The following RTTN variants were observed in gnomAD, a reference collection of about 807,000 sequenced individuals.
RTTN encodes rotatin.
In RTTN, 182 loss-of-function variants were observed where a neutral mutation model predicts 269.2. That is an observed-to-expected ratio of 0.68 (90% CI 0.60 to 0.76). The LOEUF is 0.76. RTTN is among the 30% of genes least tolerant of loss of function. The pLI is 0.00. For synonymous variants in RTTN, 1,006 were observed against 963.5 expected (o/e 1.04, Z -0.82); for missense variants, 2,545 against 2,608.6 (o/e 0.98, Z 0.53).
At position 70,196,546 on chromosome 18, in the gene RTTN, T is replaced by A. The variant is rs1131691284; in HGVS notation, c.796A>T (p.Arg266Ter). Residue 266 changes from arginine (R) to a stop codon, truncating the protein, a stop_gained, in exon 7 of 49, where the codon AGA (arginine) becomes TGA (stop). Transcript: ENST00000640769. LOFTEE classifies it high-confidence loss of function. ...CCTGGATCTCGGTGAAAGTTAAGTC[T>A]GTTTCTTAAATACATGCACAGCTGC... ...LQQLCMYLRNRLNFHRDPGFF... is the reference protein window; with the variant it reads ...LQQLCMYLRN The A allele has an allele frequency of 6.2e-7, 1 of 1,613,098 alleles. No individual in the cohort carries two copies. The highest frequency in any genetic ancestry group is 8.5e-7 in the Non-Finnish European group (1 of 1,179,782).
intron 27 of RTTN, among the ~76,000 whole-genome samples, chr18:70,112,499 A>AAAG (rs141097077): frequency 6.6e-6 from 1 of 150,590 alleles, no homozygotes; most frequent in Admixed American, 6.6e-5. Flanking sequence ...AAAAAAAAAA[A>AAAG]AAGCAAGAGC....
At chr18:70,129,552 C>T (rs2059947790) in intron 23 of RTTN, 1 of 151,420 alleles carries the variant, frequency 6.6e-6, no homozygotes, top group South Asian at 2.1e-4. Context: ...ATGAATGGTA[C>T]TCAGAAAACT....
At chr18:70,117,546 G>GT (rs2059631930) in intron 26 of RTTN, among the ~76,000 whole-genome samples, 1 of 151,926 alleles carries the variant, frequency 6.6e-6, no homozygotes, top group African/African-American at 2.4e-5. Context: ...CCGAAGAAAG[G>GT]TTTAATACCA....
At chr18:70,155,193 C>T (rs1271371307) in intron 14 of RTTN, among the ~76,000 whole-genome samples, 1 of 152,136 alleles carries the variant, frequency 6.6e-6, no homozygotes, top group African/African-American at 2.4e-5. Context: ...GAAAATGTAA[C>T]TTCATTACAA....
Position 70,190,718 on chromosome 18 carries a change from C to A in RTTN, c.1009G>T (p.Gly337Ter). The A allele has an allele frequency of 6.3e-7, 1 of 1,595,008 alleles. No individual in the cohort carries two copies. The highest frequency in any genetic ancestry group is 1.1e-5 in the South Asian group (1 of 89,946). ...GQDWDAASSSGSSSHAHVNSR... is the reference protein window; with the variant it reads ...GQDWDAASSS Reference sequence around the variant, plus strand: ...TTTACATGAGCATGACTACTACTTCCACTGCAAGATAAACAAATGATAAAC... The same window carrying A: ...TTTACATGAGCATGACTACTACTTCAACTGCAAGATAAACAAATGATAAAC... The change falls in exon 9 of 49, where the codon GGA (glycine) becomes TGA (stop). Residue 337 changes from glycine (G) to a stop codon, truncating the protein, a stop_gained and splice_region_variant. Coordinates refer to ENST00000640769, the MANE Select transcript of RTTN (RefSeq NM_173630.4). LOFTEE classifies it high-confidence loss of function.
At chr18:70,086,495 G>T in intron 32 of RTTN, 118 bp downstream of exon 32, 2 of 826,832 alleles carry the variant, frequency 2.4e-6, no homozygotes, top group Non-Finnish European at 4.0e-6. Flanking sequence ...TATTTTAAGA[G>T]GCCCTTGCTG....
At chr18:70,200,443 C>T (rs2146173355) in intron 4 of RTTN, among the ~76,000 whole-genome samples, 1 of 152,254 alleles carries the variant, frequency 6.6e-6, no homozygotes, top group African/African-American at 2.4e-5. Context: ...ATTCAGACAC[C>T]CATCCTTTAC....
chr18:70,058,658 C>T (rs1376918120), intron 36 of RTTN, among the ~76,000 whole-genome samples: 3 of 152,202 alleles, frequency 2.0e-5, no homozygotes, highest in Admixed American at 2.0e-4. Context: ...CTCAATGCCA[C>T]ATCAGACTCT....
chr18:70,004,929 A>G (rs1346148604), intron 48 of RTTN, among the ~76,000 whole-genome samples: 1 of 152,246 alleles, frequency 6.6e-6, no homozygotes, highest in Non-Finnish European at 1.5e-5. Flanking sequence ...CACTAAGAAC[A>G]TACTTCAGCA....
At chr18:70,082,145 C>G (rs2058585793) in intron 32 of RTTN, among the ~76,000 whole-genome samples, 1 of 152,096 alleles carries the variant, frequency 6.6e-6, no homozygotes, top group East Asian at 1.9e-4. Context: ...AGAGCATGAA[C>G]AAGTTTATTT....
At chr18:70,029,661 A>G (rs1297994336) in intron 42 of RTTN, among the ~76,000 whole-genome samples, 1 of 152,190 alleles carries the variant, frequency 6.6e-6, no homozygotes, top group Non-Finnish European at 1.5e-5. Context: ...ACTCTTAATA[A>G]ATTATAGTTG....
Position 70,138,997 on chromosome 18 carries a change from T to A in RTTN, c.2788+602A>T, listed in dbSNP as rs1447612599. The A allele has an allele frequency of 6.6e-5, 4 of 60,632 alleles. No homozygotes were observed. In the East Asian group the frequency reaches 8.4e-3, roughly 128 times the overall value. The allele number at this position is 60,632 out of a possible 1,614,324, so 3.8% of individuals were successfully genotyped here. A position where few individuals can be genotyped will look rare whatever the true frequency, so the allele number is the denominator to read the frequency against. On this transcript the variant is annotated intron_variant, in intron 21 of 48. Transcript: ENST00000640769. ...TACAAAATGTTACCAAGCTCTCCAT[T>A]GAGAAAAAAAAAAAAACAGAGAAGA...
chr18:70,044,726 C>G (rs922120902), intron 40 of RTTN, among the ~76,000 whole-genome samples: 19 of 152,124 alleles, frequency 1.2e-4, no homozygotes, highest in African/African-American at 3.6e-4. Flanking sequence ...ATTCATCAGT[C>G]TGATAACCAA....
At chr18:70,121,065 A>T (rs971956470) in intron 26 of RTTN, among the ~76,000 whole-genome samples, 1 of 152,132 alleles carries the variant, frequency 6.6e-6, no homozygotes, top group Non-Finnish European at 1.5e-5. Flanking sequence ...AAAATAAAAA[A>T]AAAAAATTTA....
intron 30 of RTTN, among the ~76,000 whole-genome samples, chr18:70,088,400 T>C (rs950399696): frequency 2.0e-5 from 3 of 152,312 alleles, no homozygotes; most frequent in African/African-American, 7.2e-5. Flanking sequence ...ATAAAAATTA[T>C]AGTTTGCAAG....
intron 28 of RTTN, among the ~76,000 whole-genome samples, chr18:70,100,655 A>G (rs2145338975): frequency 6.6e-6 from 1 of 152,264 alleles, no homozygotes; most frequent in South Asian, 2.1e-4. Context: ...GTCTTGTGCC[A>G]GTTTTCAAAG....
chr18:70,195,563 T>A (rs1019143802), intron 7 of RTTN, among the ~76,000 whole-genome samples: 1 of 152,196 alleles, frequency 6.6e-6, no homozygotes, highest in Non-Finnish European at 1.5e-5. Flanking sequence ...TCAAGCAAAC[T>A]TGATTGTTTA....
chr18:70,151,451 T>C (rs749172406), intron 14 of RTTN, among the ~76,000 whole-genome samples: 16 of 151,978 alleles, frequency 1.1e-4, no homozygotes, highest in Non-Finnish European at 2.2e-4. Context: ...AAATACAATA[T>C]AGAAGGTAAA....
At chr18:70,042,366 C>CTT (rs1017125527) in intron 40 of RTTN, among the ~76,000 whole-genome samples, 2,776 of 78,172 alleles carry the variant, frequency 0.036, 400 homozygotes, top group African/African-American at 0.084. Context: ...TTGGAATTTT[C>CTT]TTTTTTTTTT....
Sources: allele counts gnomAD v4.1 joint callset (sites outside exome capture counted in the v4.1 genomes callset), GRCh38; gene constraint gnomAD v4.1.1; transcripts MANE v1.5; gene names NCBI Gene and HGNC (gene_info 2026-07-23, HGNC 2026-07-21).